The following COMMD10 variants were observed in gnomAD, a reference collection of about 807,000 sequenced individuals.
The protein encoded by COMMD10 is COMM domain containing 10.
In COMMD10, 33 loss-of-function variants were observed where a neutral mutation model predicts 28.9. The ratio of observed to expected loss-of-function variants is 1.14; its 90% CI spans 0.87 to 1.53. The LOEUF is 1.53. Ranked by LOEUF, COMMD10 falls within the 40% of genes most tolerant of loss-of-function variation. COMMD10 has a pLI of 0.00. For missense variants in COMMD10, 310 were observed against 233.4 expected (o/e 1.33, Z -2.14); for synonymous variants, 110 against 81.7 (o/e 1.35, Z -1.87).
At chr5:116,287,480 A>G (rs1341536349) in intron 5 of COMMD10, among the ~76,000 whole-genome samples, 4 of 151,714 alleles carry the variant, frequency 2.6e-5, no homozygotes, top group East Asian at 1.9e-4. Flanking sequence ...GATCTAAAGT[A>G]TGTCTCTTGT....
rs974531820 is a variant in COMMD10, at chr5:116,291,725, A to C, written c.570+149A>C. The C allele has an allele frequency of 1.7e-5, 9 of 525,530 alleles. No homozygotes were observed. The South Asian group carries it at 2.5e-4, about 14-fold the overall frequency. 32.6% of individuals were successfully genotyped at this position (525,530 alleles called of 1,614,324 possible). A position where few individuals can be genotyped will look rare whatever the true frequency, so the allele number is the denominator to read the frequency against. Reference sequence around the variant, plus strand: ...AAAGACCTTATGTTTCACAGGAGGAAGTATAGCAGAAATGAAGAGAATTTG... The same window carrying C: ...AAAGACCTTATGTTTCACAGGAGGACGTATAGCAGAAATGAAGAGAATTTG... On this transcript the variant is annotated intron_variant, in intron 6 of 6. Transcript: ENST00000274458.
At chr5:116,138,579 A>T (rs972541633) in intron 5 of COMMD10, among the ~76,000 whole-genome samples, 2 of 151,780 alleles carry the variant, frequency 1.3e-5, no homozygotes, top group African/African-American at 4.8e-5. Context: ...CAGGGATTCC[A>T]AATTTTATTT....
chr5:116,259,093 C>T (rs183604452), intron 5 of COMMD10, among the ~76,000 whole-genome samples: 380 of 138,246 alleles, frequency 2.7e-3, no homozygotes, highest in Non-Finnish European at 4.5e-3. Flanking sequence ...CTGAGAGTCT[C>T]GCTTTCTCAC....
At chr5:116,269,345 C>T (rs1750693550) in intron 5 of COMMD10, among the ~76,000 whole-genome samples, 1 of 151,758 alleles carries the variant, frequency 6.6e-6, no homozygotes, top group African/African-American at 2.4e-5. Flanking sequence ...TTTGGGCCAC[C>T]CACCAAACCT....
chr5:116,253,969 T>A (rs1468710598), intron 5 of COMMD10, among the ~76,000 whole-genome samples: 1 of 152,130 alleles, frequency 6.6e-6, no homozygotes, highest in African/African-American at 2.4e-5. Flanking sequence ...TTGCCACAAT[T>A]TCAGATCCTG....
chr5:116,243,733 G>C (rs1211870720), intron 5 of COMMD10, among the ~76,000 whole-genome samples: 1 of 152,156 alleles, frequency 6.6e-6, no homozygotes, highest in Non-Finnish European at 1.5e-5. Context: ...ACCACCAGTA[G>C]TATGTAGAAT....
intron 5 of COMMD10, among the ~76,000 whole-genome samples, chr5:116,228,076 G>C (rs1227049315): frequency 6.6e-6 from 1 of 151,992 alleles, no homozygotes; most frequent in Non-Finnish European, 1.5e-5. Context: ...CATTGCAGCA[G>C]TGAATGTGAA....
Position 116,252,143 on chromosome 5 carries a change from GTTGT to G in COMMD10, c.511-39367_511-39364del, listed in dbSNP as rs1322224010. On this transcript the variant is annotated intron_variant, in intron 5 of 6. Coordinates refer to ENST00000274458, the MANE Select transcript of COMMD10 (RefSeq NM_016144.4). ...TGTCCTTTGCCCACTTTTTGATGGGGTTGTTTGTTTTTTTCTTGTAAATTTGTTT... is the reference window on the plus strand; with the variant it reads ...TGTCCTTTGCCCACTTTTTGATGGGGTTGTTTTTTTCTTGTAAATTTGTTT... Among the ~76,000 whole-genome samples the G allele has an allele frequency of 1.3e-4, 19 of 146,860 alleles. No individual in the cohort carries two copies. In the South Asian group the frequency reaches 3.9e-3, roughly 30 times the overall value.
chr5:116,148,239 A>T (rs568482965), intron 5 of COMMD10, among the ~76,000 whole-genome samples: 21 of 151,918 alleles, frequency 1.4e-4, no homozygotes, highest in African/African-American at 4.8e-4. Context: ...TTTTTCAGGG[A>T]TTAACATGTT....
At chr5:116,151,152 G>T (rs986482072) in intron 5 of COMMD10, among the ~76,000 whole-genome samples, 5 of 151,844 alleles carry the variant, frequency 3.3e-5, no homozygotes, top group Admixed American at 1.3e-4. Flanking sequence ...TTTATATGCT[G>T]GATTACATTT....
intron 5 of COMMD10, among the ~76,000 whole-genome samples, chr5:116,225,254 C>A (rs925095729): frequency 2.8e-4 from 43 of 151,076 alleles, no homozygotes; most frequent in African/African-American, 1.0e-3. Context: ...AATTACTTTA[C>A]TTGCTAAATT....
intron 2 of COMMD10, among the ~76,000 whole-genome samples, chr5:116,088,060 G>A (rs1407979436): frequency 6.6e-6 from 1 of 152,112 alleles, no homozygotes; most frequent in African/African-American, 2.4e-5. Flanking sequence ...TTAAGGATAT[G>A]GTTGTTTTGG....
intron 5 of COMMD10, among the ~76,000 whole-genome samples, chr5:116,187,441 T>C (rs1280159069): frequency 6.6e-6 from 1 of 152,096 alleles, no homozygotes; most frequent in Non-Finnish European, 1.5e-5. Context: ...GATGGATTGG[T>C]AAATAGTATT....
chr5:116,190,510 A>G (rs938555541), intron 5 of COMMD10, among the ~76,000 whole-genome samples: 8 of 152,186 alleles, frequency 5.3e-5, no homozygotes, highest in African/African-American at 1.7e-4. Context: ...TTCTAATCCT[A>G]CAGTTTCAGT....
chr5:116,226,438 C>T (rs549769954), intron 5 of COMMD10, among the ~76,000 whole-genome samples: 39 of 125,112 alleles, frequency 3.1e-4, no homozygotes, highest in African/African-American at 9.2e-4. Context: ...TTTTTGAGAA[C>T]AGCAAATTAT....
chr5:116,218,264 T>G, intron 5 of COMMD10: 1 of 740,808 alleles, frequency 1.3e-6, no homozygotes, highest in Non-Finnish European at 2.5e-6. Flanking sequence ...TTTATCTCCT[T>G]TAGCATCCCC....
rs1465701753 is a variant in COMMD10 at position 116,086,495 on chromosome 5, G to C, written c.42-1002G>C. Among the ~76,000 whole-genome samples the C allele has an allele frequency of 2.6e-5, 4 of 151,344 alleles. No individual in the cohort carries two copies. The South Asian group carries it at 8.3e-4, about 32-fold the overall frequency. On this transcript the variant is annotated intron_variant, in intron 1 of 6. Transcript: ENST00000274458. ...TTCCCTGAGAGGGCGTTTCCCTCTT[G>C]TTGCGCAGGCTGGAGTGCAATGGCG...
At position 116,126,126 on chromosome 5, in the gene COMMD10, C is replaced by T. The variant is rs182287680; in HGVS notation, c.400-7942C>T. 8.8e-3 allele frequency among the ~76,000 whole-genome samples: 1,327 copies of T among 151,646 alleles called. 13 individuals are homozygous for T. Among genetic ancestry groups the T allele is most frequent in the African/African-American group, 0.01 (430 of 41,162 alleles). The stretch of plus-strand genomic sequence containing the variant: ...TGCAAAAATCACAGGCATTCCTATA[C>T]GCCAATAACAAACAGAGATCCAAAT... On this transcript the variant is annotated intron_variant, in intron 4 of 6. Coordinates refer to ENST00000274458, the MANE Select transcript of COMMD10 (RefSeq NM_016144.4).
intron 5 of COMMD10, among the ~76,000 whole-genome samples, chr5:116,197,937 A>G (rs192530797): frequency 1.6e-3 from 249 of 152,264 alleles, no homozygotes; most frequent in African/African-American, 5.6e-3. Context: ...AGAACTATGG[A>G]TGCTTTCCTT....
Sources: gnomAD v4.1 joint callset for allele counts (sites outside exome capture counted in the v4.1 genomes callset) on GRCh38, gnomAD v4.1.1 for gene constraint, MANE v1.5 for transcripts, NCBI Gene and HGNC (gene_info 2026-07-23, HGNC 2026-07-21) for gene names.